Variants in CBX5 observed in about 807,000 individuals in gnomAD.
CBX5 encodes chromobox protein homolog 5.
A neutral mutation model predicts 20.7 loss-of-function variants in CBX5; 7 were observed. The observed-to-expected ratio is 0.34, with a 90% confidence interval of 0.19 to 0.63. CBX5 has a LOEUF of 0.63. CBX5 is among the 30% of genes least tolerant of loss of function. The probability of loss-of-function intolerance (pLI) is 0.75; values close to 1 mark genes in which losing one functional copy is unlikely to be tolerated. For synonymous variants in CBX5, 78 were observed against 77.0 expected (o/e 1.01, Z -0.07); for missense variants, 110 against 224.1 (o/e 0.49, Z 3.25).
intron 1 of CBX5, among the ~76,000 whole-genome samples, chr12:54,279,741 C>A (rs1944113428): frequency 6.6e-6 from 1 of 152,218 alleles, no homozygotes; most frequent in African/African-American, 2.4e-5. Flanking sequence ...CTCCCACATT[C>A]CGATGGCCCA....
intron 3 of CBX5, among the ~76,000 whole-genome samples, chr12:54,247,123 A>T (rs1943745217): frequency 6.6e-6 from 1 of 152,152 alleles, no homozygotes; most frequent in Admixed American, 6.6e-5. Context: ...GATCATAAAC[A>T]CCAATACCTA....
At chr12:54,255,521 T>A (rs1321680301) in intron 2 of CBX5, 3 of 138,822 alleles carry the variant, frequency 2.2e-5, no homozygotes, top group South Asian at 2.2e-4. Context: ...ATCGCGCCAC[T>A]GAGCTCCAGC....
At chr12:54,244,271 C>T (rs1943710340) in intron 4 of CBX5, among the ~76,000 whole-genome samples, 1 of 151,490 alleles carries the variant, frequency 6.6e-6, no homozygotes, top group Admixed American at 6.6e-5. Flanking sequence ...CTCGGCCTCC[C>T]AAAGTGCTGG....
intron 1 of CBX5, among the ~76,000 whole-genome samples, chr12:54,275,417 A>G (rs1944054118): frequency 2.0e-5 from 3 of 151,634 alleles, no homozygotes; most frequent in Non-Finnish European, 4.4e-5. Flanking sequence ...AATTTTTTGT[A>G]TTTTTAGCGG....
chr12:54,273,356 T>C (rs1190072870), intron 1 of CBX5: 1 of 152,198 alleles, frequency 6.6e-6, no homozygotes, highest in African/African-American at 2.4e-5. Context: ...GGCAGGAGAA[T>C]AGCTTGAACC....
chr12:54,255,225 G>A (rs919705569), intron 2 of CBX5, among the ~76,000 whole-genome samples: 2 of 152,036 alleles, frequency 1.3e-5, no homozygotes, highest in African/African-American at 2.4e-5. Context: ...CCAAGAGAGC[G>A]AGACCAGCCT....
intron 3 of CBX5, among the ~76,000 whole-genome samples, chr12:54,251,179 G>A (rs975939665): frequency 6.6e-6 from 1 of 150,906 alleles, no homozygotes; most frequent in African/African-American, 2.4e-5. Context: ...TCAAAGCCCC[G>A]GCTGGGCATG....
chr12:54,276,782 C>T (rs1565876531), intron 1 of CBX5: 1 of 152,114 alleles, frequency 6.6e-6, no homozygotes, highest in Admixed American at 6.5e-5. Context: ...GTACTCTGCA[C>T]GTTTAGTGAA....
At chr12:54,245,231 G>C (rs1230850005) in intron 4 of CBX5, among the ~76,000 whole-genome samples, 1 of 151,768 alleles carries the variant, frequency 6.6e-6, no homozygotes, top group Non-Finnish European at 1.5e-5. Flanking sequence ...GGCTAGCCTC[G>C]AACTCCTGAC....
intron 1 of CBX5, among the ~76,000 whole-genome samples, chr12:54,271,325 C>CT (rs998882032): frequency 1.3e-5 from 2 of 151,792 alleles, no homozygotes; most frequent in African/African-American, 2.4e-5. Flanking sequence ...CTGTTATTTC[C>CT]TTTTTCTTTT....
intron 1 of CBX5, chr12:54,277,238 T>C (rs1389371418): frequency 1.4e-5 from 2 of 144,986 alleles, no homozygotes; most frequent in African/African-American, 2.6e-5. Context: ...GACTCTTGCT[T>C]TGTCGCCCAG....
intron 1 of CBX5, chr12:54,262,804 T>G (rs1456619819): frequency 6.6e-6 from 1 of 152,380 alleles, no homozygotes; most frequent in African/African-American, 2.4e-5. Flanking sequence ...GGAGGGAGCT[T>G]TCCAGCATGA....
At chr12:54,267,556 G>C (rs1003795005) in intron 1 of CBX5, among the ~76,000 whole-genome samples, 1 of 151,488 alleles carries the variant, frequency 6.6e-6, no homozygotes, top group Non-Finnish European at 1.5e-5. Context: ...CTGTCGCCCA[G>C]GCTGGAGTGC....
chr12:54,246,033 A>G, intron 4 of CBX5, 82 bp downstream of exon 4: 1 of 904,030 alleles, frequency 1.1e-6, no homozygotes, highest in Admixed American at 1.8e-5. Context: ...GGGAATATGC[A>G]GTCTTGCCAC....
intron 1 of CBX5, among the ~76,000 whole-genome samples, chr12:54,263,598 G>C (rs1592161846): frequency 6.6e-6 from 1 of 150,774 alleles, no homozygotes; most frequent in Admixed American, 6.6e-5. Context: ...AGTCAGGCGT[G>C]GTGTAATCCC....
intron 2 of CBX5, among the ~76,000 whole-genome samples, chr12:54,253,341 G>C (rs571846120): frequency 6.6e-6 from 1 of 152,168 alleles, no homozygotes; most frequent in African/African-American, 2.4e-5. Context: ...CTTGAATCTG[G>C]GAGGCTGCGG....
chr12:54,247,113 G>C (rs1217981300), intron 3 of CBX5, among the ~76,000 whole-genome samples: 3 of 152,168 alleles, frequency 2.0e-5, no homozygotes, highest in Non-Finnish European at 2.9e-5. Context: ...AAATTTCAGA[G>C]ATCATAAACA....
rs976913158 is a variant in CBX5, at chr12:54,238,196, T to A, written c.*3559A>T. On this transcript the variant is annotated 3_prime_UTR_variant, in exon 5 of 5. Transcript: ENST00000209875. ...AGAGCGAGACTCTGTCTAAAAAAAA[T>A]AAATAAATAATAGAGGTGAATGTCT... The A allele has an allele frequency of 1.3e-5, 2 of 151,740 alleles. No homozygotes were observed. The highest frequency in any genetic ancestry group is 2.4e-5 in the African/African-American group (1 of 41,278). 9.4% of individuals were successfully genotyped at this position (151,740 alleles called of 1,614,324 possible). A position where few individuals can be genotyped will look rare whatever the true frequency, so the allele number is the denominator to read the frequency against.
chr12:54,269,596 C>G (rs1345568998), intron 1 of CBX5, among the ~76,000 whole-genome samples: 2 of 152,174 alleles, frequency 1.3e-5, no homozygotes, highest in Non-Finnish European at 2.9e-5. Flanking sequence ...ACCATGCTAG[C>G]CAGGCTGGTC....
Sources: allele counts gnomAD v4.1 joint callset (sites outside exome capture counted in the v4.1 genomes callset), GRCh38; gene constraint gnomAD v4.1.1; transcripts MANE v1.5; gene names NCBI Gene and HGNC (gene_info 2026-07-23, HGNC 2026-07-21).